Variants in MMP26 observed in about 807,000 individuals in gnomAD.
MMP26 encodes matrix metallopeptidase 26.
Under a neutral mutation model 31.0 loss-of-function variants are expected in MMP26, and 33 were observed. That is an observed-to-expected ratio of 1.06 (90% CI 0.81 to 1.42). The LOEUF (loss-of-function observed/expected upper bound fraction) is 1.42. Among genes scored for constraint, MMP26 ranks in the 40% most tolerant of loss-of-function variants. The pLI, the probability that MMP26 is intolerant of heterozygous loss-of-function variation, is 0.00. For synonymous variants in MMP26, 122 were observed against 114.9 expected (o/e 1.06, Z -0.40); for missense variants, 347 against 316.1 (o/e 1.10, Z -0.74).
intron 2 of MMP26, among the ~76,000 whole-genome samples, chr11:4,977,145 A>G (rs1846749034): frequency 6.6e-6 from 1 of 151,892 alleles, no homozygotes; most frequent in East Asian, 1.9e-4. Flanking sequence ...TGTGTTACTC[A>G]TATTTGTCTT....
intron 2 of MMP26, among the ~76,000 whole-genome samples, chr11:4,976,834 G>A (rs1257490751): frequency 1.3e-5 from 2 of 151,996 alleles, no homozygotes; most frequent in East Asian, 3.9e-4. Context: ...CAACAGAATT[G>A]ATTGCTCTTT....
At chr11:4,792,451 T>A (rs1315455948) in intron 2 of MMP26, among the ~76,000 whole-genome samples, 1 of 152,096 alleles carries the variant, frequency 6.6e-6, no homozygotes, top group East Asian at 1.9e-4. Flanking sequence ...GTCACTAGAA[T>A]GTCTAGTTTG....
rs189851008 is a variant in MMP26, at chr11:4,789,080, A to T, written c.-145+21739A>T. ...TAAAGGATTGGTTTGGCTTTCTCTA[A>T]AACAGCTACTCACATCAGACATTTG... On this transcript the variant is annotated intron_variant, in intron 2 of 7. Transcript: ENST00000380390. 9.2e-5 allele frequency among the ~76,000 whole-genome samples: 14 copies of T among 152,308 alleles called. No individual in the cohort carries two copies. The East Asian group carries it at 2.7e-3, about 29-fold the overall frequency.
chr11:4,861,867 G>T (rs993048509), intron 2 of MMP26, among the ~76,000 whole-genome samples: 1 of 151,928 alleles, frequency 6.6e-6, no homozygotes, highest in Non-Finnish European at 1.5e-5. Flanking sequence ...TCCTTTAAGG[G>T]TTCCCAATGT....
At chr11:4,773,776 C>A (rs1035043301) in intron 2 of MMP26, among the ~76,000 whole-genome samples, 1 of 152,050 alleles carries the variant, frequency 6.6e-6, no homozygotes, top group Non-Finnish European at 1.5e-5. Context: ...TTTCCTAATA[C>A]TCTCCCTTTG....
intron 2 of MMP26, among the ~76,000 whole-genome samples, chr11:4,865,061 GAGCTCCAGCT>G (rs925134949): frequency 9.2e-5 from 14 of 151,988 alleles, no homozygotes; most frequent in African/African-American, 3.4e-4. Context: ...TTCTACTGGT[GAGCTCCAGCT>G]ATTCCCCCTC....
chr11:4,791,124 C>A (rs1849020957), intron 2 of MMP26, among the ~76,000 whole-genome samples: 1 of 152,092 alleles, frequency 6.6e-6, no homozygotes, highest in South Asian at 2.1e-4. Context: ...CTGAAGCGTA[C>A]ATAAATAAAA....
At chr11:4,962,871 T>A (rs1846539758) in intron 2 of MMP26, among the ~76,000 whole-genome samples, 1 of 152,166 alleles carries the variant, frequency 6.6e-6, no homozygotes, top group Non-Finnish European at 1.5e-5. Context: ...GTGACATTAG[T>A]AAGCTAAACA....
chr11:4,819,799 T>C (rs1239544340), intron 2 of MMP26, among the ~76,000 whole-genome samples: 2 of 151,920 alleles, frequency 1.3e-5, no homozygotes, highest in Non-Finnish European at 2.9e-5. Context: ...ATGCTGGTCT[T>C]GAACTCCTGG....
At chr11:4,933,697 A>G (rs1218374482) in intron 2 of MMP26, among the ~76,000 whole-genome samples, 1 of 149,776 alleles carries the variant, frequency 6.7e-6, no homozygotes, top group Non-Finnish European at 1.5e-5. Flanking sequence ...AGCATTAGGT[A>G]TATCTCCCAA....
chr11:4,790,096 C>T (rs1849003284), intron 2 of MMP26, among the ~76,000 whole-genome samples: 1 of 152,076 alleles, frequency 6.6e-6, no homozygotes, highest in African/African-American at 2.4e-5. Flanking sequence ...AATCCCAGCA[C>T]TTTGGGAGGC....
chr11:4,730,085 C>T (rs1280756054), intron 1 of MMP26, among the ~76,000 whole-genome samples: 2 of 152,126 alleles, frequency 1.3e-5, no homozygotes, highest in Non-Finnish European at 2.9e-5. Flanking sequence ...TTAGCTTTCA[C>T]TTTGACTGGT....
intron 1 of MMP26, among the ~76,000 whole-genome samples, chr11:4,733,581 T>A (rs1288240497): frequency 1.3e-5 from 2 of 152,298 alleles, no homozygotes; most frequent in African/African-American, 4.8e-5. Flanking sequence ...TTAAAAAATT[T>A]AGTAGAAAAT....
Position 4,810,963 on chromosome 11 carries a change from C to A in MMP26, c.-145+43622C>A, listed in dbSNP as rs190124806. Among the ~76,000 whole-genome samples, 792 of 152,268 alleles carry A rather than the reference C, an allele frequency of 5.2e-3. 9 individuals are homozygous for A. The highest frequency in any genetic ancestry group is 0.018 in the African/African-American group (741 of 41,542). ...AAATACAAAGTGCAACATACATTTACATGGATACAATTACCAAGGTTATCA... is the reference window on the plus strand; with the variant it reads ...AAATACAAAGTGCAACATACATTTAAATGGATACAATTACCAAGGTTATCA... On this transcript the variant is annotated intron_variant, in intron 2 of 7. Transcript: ENST00000380390.
At chr11:4,786,572 G>T (rs1416194454) in intron 2 of MMP26, among the ~76,000 whole-genome samples, 1 of 141,070 alleles carries the variant, frequency 7.1e-6, no homozygotes, top group Non-Finnish European at 1.5e-5. Context: ...AGTATGAGAA[G>T]TGCTTCAGGA....
intron 2 of MMP26, among the ~76,000 whole-genome samples, chr11:4,941,823 C>T (rs1054192504): frequency 3.8e-4 from 58 of 151,576 alleles, no homozygotes; most frequent in African/African-American, 1.2e-3. Context: ...CCGTGGCTCA[C>T]GCTTGTAATC....
intron 2 of MMP26, chr11:4,907,667 C>T (rs1164697997): frequency 1.9e-6 from 3 of 1,613,966 alleles, no homozygotes; most frequent in Non-Finnish European, 2.5e-6. Context: ...CTGCTTTGCT[C>T]AAGAATTCTT....
intron 2 of MMP26, chr11:4,822,333 C>A (rs1271487479): frequency 6.7e-7 from 1 of 1,498,590 alleles, no homozygotes; most frequent in African/African-American, 1.4e-5. Context: ...TTCAAAAGGC[C>A]ATTATCAAGG....
intron 2 of MMP26, chr11:4,848,345 G>A (rs866948994): frequency 1.2e-6 from 2 of 1,614,134 alleles, no homozygotes; most frequent in East Asian, 2.2e-5. Flanking sequence ...GAGGAAGAAG[G>A]AAATGGACAT....
Sources: allele counts gnomAD v4.1 joint callset (sites outside exome capture counted in the v4.1 genomes callset), GRCh38; gene constraint gnomAD v4.1.1; transcripts MANE v1.5; gene names NCBI Gene and HGNC (gene_info 2026-07-23, HGNC 2026-07-21).